Variants in SMC1A observed in about 807,000 individuals in gnomAD.
SMC1A encodes structural maintenance of chromosomes protein 1A.
A neutral mutation model predicts 94.5 loss-of-function variants in SMC1A; 4 were observed. The ratio of observed to expected loss-of-function variants is 0.04; its 90% CI spans 0.02 to 0.10. The LOEUF is 0.10. SMC1A is among the 10% of genes least tolerant of loss of function. The pLI, the probability that SMC1A is intolerant of heterozygous loss-of-function variation, is 1.00. For synonymous variants in SMC1A, 345 were observed against 347.7 expected, an observed-to-expected ratio of 0.99 and a Z score of 0.09; for missense variants, 304 against 989.0, an observed-to-expected ratio of 0.31 and a Z score of 9.29.
intron 19 of SMC1A, 109 bp from the exon 20 acceptor site, chrX:53,383,362 G>A (rs2075592570): frequency 5.3e-6 from 4 of 755,290 alleles, no homozygotes; most frequent in Non-Finnish European, 7.8e-6. Context: ...CCTATACGGA[G>A]GGCAGGTTCT....
intron 18 of SMC1A, 124 bp downstream of exon 18, chrX:53,396,103 T>C (rs2075650061): frequency 1.5e-5 from 12 of 826,607 alleles, no homozygotes; most frequent in Non-Finnish European, 2.2e-5. Context: ...GCATCCCTTT[T>C]CATGTCCCTT....
intron 19 of SMC1A, among the ~76,000 whole-genome samples, chrX:53,390,973 C>CAAAAAAA (rs782771730): frequency 5.5e-4 from 19 of 34,312 alleles, no homozygotes; most frequent in East Asian, 2.6e-3. Flanking sequence ...GACTCCGTCT[C>CAAAAAAA]AAAAAAAAAA....
intron 9 of SMC1A, among the ~76,000 whole-genome samples, chrX:53,408,840 T>TAAAAAAAAAAAAAAA (rs1295569888): frequency 1.5e-5 from 1 of 67,042 alleles, no homozygotes; most frequent in Non-Finnish European, 2.8e-5. Context: ...GGTTGAAAAA[T>TAAAAAAAAAAAAAAA]AAAAAAAAAA....
chrX:53,390,973 C>A (rs1453098295), intron 19 of SMC1A, among the ~76,000 whole-genome samples: 14 of 34,311 alleles, frequency 4.1e-4, no homozygotes, highest in East Asian at 1.3e-3. Flanking sequence ...GACTCCGTCT[C>A]AAAAAAAAAA....
At chrX:53,418,567 G>A (rs969742939) in intron 1 of SMC1A, among the ~76,000 whole-genome samples, 35 of 111,939 alleles carry the variant, frequency 3.1e-4, no homozygotes, top group African/African-American at 9.1e-4. Context: ...CCCAAGTAGC[G>A]GGAAGCATGG....
At chrX:53,420,396 C>T (rs1410879458) in intron 1 of SMC1A, among the ~76,000 whole-genome samples, 1 of 108,995 alleles carries the variant, frequency 9.2e-6, no homozygotes, top group Non-Finnish European at 1.9e-5. Flanking sequence ...GGGTGGCGCA[C>T]GCCTGTAGTC....
At chrX:53,404,412 A>T (rs1226661887) in intron 13 of SMC1A, among the ~76,000 whole-genome samples, 3 of 109,838 alleles carry the variant, frequency 2.7e-5, no homozygotes, top group Non-Finnish European at 5.7e-5. Context: ...TATGCTAACA[A>T]TAGCACATAA....
chrX:53,401,161 G>A (rs2075669105), intron 15 of SMC1A, among the ~76,000 whole-genome samples: 1 of 111,407 alleles, frequency 9.0e-6, no homozygotes, highest in Non-Finnish European at 1.9e-5. Flanking sequence ...AACCTTTCCT[G>A]ACGGTTCTGA....
At chrX:53,412,496 C>T (rs2075716461) in intron 5 of SMC1A, among the ~76,000 whole-genome samples, 1 of 112,450 alleles carries the variant, frequency 8.9e-6, no homozygotes, top group South Asian at 3.7e-4. Context: ...CTGCCTCAAC[C>T]CTGGCCAGGA....
chrX:53,398,547 T>C (rs188102789), intron 16 of SMC1A, among the ~76,000 whole-genome samples: 8 of 111,593 alleles, frequency 7.2e-5, no homozygotes, highest in African/African-American at 2.3e-4. Context: ...ATCTAAATTT[T>C]GCTCATTTTG....
intron 19 of SMC1A, among the ~76,000 whole-genome samples, chrX:53,388,323 GGA>G (rs1226116536): frequency 9.0e-5 from 10 of 110,955 alleles, no homozygotes; most frequent in Non-Finnish European, 1.7e-4. Context: ...GTGCAACTGA[GGA>G]GATAAAATCT....
Position 53,396,338 on chromosome X carries a change from G to C in SMC1A, c.2751C>G (p.Thr917=). 8.3e-7 allele frequency: 1 copy of C among 1,211,215 alleles called. No homozygotes were observed. Among genetic ancestry groups the C allele is most frequent in the Non-Finnish European group, 1.1e-6 (1 of 895,298 alleles). The change falls in exon 18 of 25, where the codon ACC becomes ACG. Residue 917 remains threonine, a synonymous_variant. Coordinates refer to ENST00000322213, the MANE Select transcript of SMC1A (RefSeq NM_006306.4). ...GGTCACTGCGCTTCTGTTCAAGCTT[G>C]GTCTCAATGGCTGTCACCTCCTTCT... is the stretch of plus-strand genomic sequence containing the variant. ...HLQKEVTAIE[T]KLEQKRSDRH... is the part of the protein sequence containing the mutation.
In SMC1A at chrX:53,398,368, G is replaced by C. The variant is rs112538895; in HGVS notation, c.2562+1221C>G. Among the ~76,000 whole-genome samples, 873 of 110,500 alleles carry C rather than the reference G, an allele frequency of 7.9e-3. 8 individuals carry two copies. Among genetic ancestry groups the C allele is most frequent in the African/African-American group, 0.028 (851 of 30,353 alleles). On this transcript the variant is annotated intron_variant, in intron 16 of 24. Coordinates refer to ENST00000322213, the MANE Select transcript of SMC1A (RefSeq NM_006306.4). ...TGTAAGGAACAAAGGCTTCATAGTA[G>C]TTTAAAGAGAAAGGGTGTGAGAAAA...
At chrX:53,383,006 G>T in intron 20 of SMC1A, 91 bp downstream of exon 20, 1 of 900,746 alleles carries the variant, frequency 1.1e-6, no homozygotes, top group South Asian at 2.1e-5. Context: ...AAACATGTCA[G>T]AACAGGAACT....
chrX:53,415,273 T>C (rs2075727468), intron 1 of SMC1A, 104 bp from the exon 2 acceptor site: 1 of 639,560 alleles, frequency 1.6e-6, no homozygotes, highest in African/African-American at 2.1e-5. Flanking sequence ...AATCACTCAG[T>C]ACTCAGACTA....
Position 53,409,281 on chromosome X carries a change from G to A in SMC1A, c.1338-12C>T, listed in dbSNP as rs2075702375. The A allele has an allele frequency of 8.3e-7, 1 of 1,200,517 alleles. No homozygotes were observed. Among genetic ancestry groups the A allele is most frequent in the Non-Finnish European group, 1.1e-6 (1 of 887,368 alleles). Reference sequence around the variant, plus strand: ...CTTCTAGGGACTGCCTACAAAGTGAGGGCACACAGGAGTTACTCCTGCTGG... The same window carrying A: ...CTTCTAGGGACTGCCTACAAAGTGAAGGCACACAGGAGTTACTCCTGCTGG... On this transcript the variant is annotated splice_polypyrimidine_tract_variant and intron_variant, in intron 8 of 24. Coordinates refer to ENST00000322213, the MANE Select transcript of SMC1A (RefSeq NM_006306.4).
At chrX:53,385,514 T>C (rs2075601470) in intron 19 of SMC1A, among the ~76,000 whole-genome samples, 1 of 109,397 alleles carries the variant, frequency 9.1e-6, no homozygotes, top group African/African-American at 3.3e-5. Context: ...GACCTCGTGA[T>C]CCGCCCGCCT....
intron 9 of SMC1A, among the ~76,000 whole-genome samples, chrX:53,408,851 A>T (rs984636952): frequency 9.2e-5 from 10 of 109,213 alleles, no homozygotes; most frequent in Middle Eastern, 4.9e-3. Flanking sequence ...AAAAAAAAAA[A>T]AAAAAAAAAA....
rs932330023 is a variant in SMC1A, at chrX:53,380,324, T to A, written c.3619-138A>T. Reference sequence around the variant, plus strand: ...CCCAGTCAATGGTTCTCTCTGGGTGTGAGAGGATATGCTCAGTCCCATGTG... The same window carrying A: ...CCCAGTCAATGGTTCTCTCTGGGTGAGAGAGGATATGCTCAGTCCCATGTG... On this transcript the variant is annotated intron_variant, in intron 24 of 24. Coordinates refer to ENST00000322213, the MANE Select transcript of SMC1A (RefSeq NM_006306.4). The A allele has an allele frequency of 1.2e-5, 6 of 508,861 alleles. No homozygotes were observed. The African/African-American group carries it at 1.4e-4, about 12-fold the overall frequency. The allele number at this position is 508,861 out of a possible 1,213,427, so 41.9% of individuals were successfully genotyped here.
Sources: gnomAD v4.1 joint callset for allele counts (sites outside exome capture counted in the v4.1 genomes callset) on GRCh38, gnomAD v4.1.1 for gene constraint, MANE v1.5 for transcripts, NCBI Gene and HGNC (gene_info 2026-07-23, HGNC 2026-07-21) for gene names.